RBFOX1: variants seen among roughly 807,000 people sequenced by gnomAD.
RBFOX1 encodes the protein RNA binding fox-1 homolog 1.
A neutral mutation model predicts 57.7 loss-of-function variants in RBFOX1; 8 were observed. The ratio of observed to expected loss-of-function variants is 0.14; its 90% confidence interval spans 0.08 to 0.25. The LOEUF (loss-of-function observed/expected upper bound fraction) is 0.25. Ranked by LOEUF, RBFOX1 falls within the 10% of genes least tolerant of loss-of-function variation. The probability of loss-of-function intolerance (pLI) is 1.00; values close to 1 mark genes in which losing one functional copy is unlikely to be tolerated. For synonymous variants in RBFOX1, 326 were observed against 222.4 expected, an observed-to-expected ratio of 1.47 and a Z score of -4.15; for missense variants, 611 against 548.5, an observed-to-expected ratio of 1.11 and a Z score of -1.14.
In RBFOX1 at chr16:6,325,674, T is replaced by C. The variant is rs988830159; in HGVS notation, c.-64+8617T>C. Among the ~76,000 whole-genome samples, 9 of 152,286 alleles carry C rather than the reference T, an allele frequency of 5.9e-5. No individual in the cohort carries two copies. The South Asian group carries it at 1.7e-3, about 28-fold the overall frequency. On this transcript the variant is annotated intron_variant, in intron 2 of 15. Coordinates refer to ENST00000550418, the MANE Select transcript of RBFOX1 (RefSeq NM_018723.4). ...AGTCACAAAGGATGAACCAAAATTTTGGTAAAATAGGCTGGTTAATACGAT... is the reference window on the plus strand; with the variant it reads ...AGTCACAAAGGATGAACCAAAATTTCGGTAAAATAGGCTGGTTAATACGAT...
At chr16:6,973,414 G>C (rs2086035873) in intron 3 of RBFOX1, among the ~76,000 whole-genome samples, 1 of 152,136 alleles carries the variant, frequency 6.6e-6, no homozygotes, top group Non-Finnish European at 1.5e-5. Flanking sequence ...AGTCAATCAG[G>C]AAGCATTCTT....
chr16:7,585,202 T>C (rs957955753), intron 6 of RBFOX1, among the ~76,000 whole-genome samples: 1 of 152,072 alleles, frequency 6.6e-6, no homozygotes, highest in Non-Finnish European at 1.5e-5. Flanking sequence ...GCTTGAGGAG[T>C]TCACAAAACT....
At position 7,154,685 on chromosome 16, in the gene RBFOX1, T is replaced by TTGTGTG. The variant is rs56742260; in HGVS notation, c.27+102630_27+102635dup. ...TGGGAAATGGCTAGACCCTCTTCCT[T>TTGTGTG]TGTGTGTGTGTGTGTGTGTGTGTGT... On this transcript the variant is annotated intron_variant, in intron 4 of 15. Transcript: ENST00000550418. Among the ~76,000 whole-genome samples the TTGTGTG allele has an allele frequency of 1.4e-3, 206 of 143,212 alleles. 2 individuals are homozygous for TTGTGTG. The highest frequency in any genetic ancestry group is 4.0e-3 in the African/African-American group (148 of 37,444). 94.0% of individuals were successfully genotyped at this position (143,212 alleles called of 152,430 possible). A position where few individuals can be genotyped will look rare whatever the true frequency, so the allele number is the denominator to read the frequency against.
chr16:5,870,373 C>CAAAAAA (rs59398844), intron 4 of RBFOX1, among the ~76,000 whole-genome samples: 6 of 91,144 alleles, frequency 6.6e-5, no homozygotes, highest in African/African-American at 2.8e-4. Flanking sequence ...ATTTGTATGG[C>CAAAAAA]AAAAAAAAAA....
chr16:7,107,410 T>TAG (rs1192062460), intron 4 of RBFOX1, among the ~76,000 whole-genome samples: 1 of 152,166 alleles, frequency 6.6e-6, no homozygotes, highest in African/African-American at 2.4e-5. Context: ...GACCTCACCT[T>TAG]AGGATTCCTC....
intron 4 of RBFOX1, among the ~76,000 whole-genome samples, chr16:7,099,841 C>G (rs1303677471): frequency 2.0e-5 from 3 of 152,146 alleles, no homozygotes; most frequent in East Asian, 1.9e-4. Context: ...TTATGGAGAC[C>G]TAGGTTTTAT....
chr16:6,964,386 T>C (rs1041619437), intron 3 of RBFOX1, among the ~76,000 whole-genome samples: 2 of 152,280 alleles, frequency 1.3e-5, no homozygotes, highest in East Asian at 1.9e-4. Flanking sequence ...TGTGTCGTTA[T>C]ATATTGGTCT....
intron 4 of RBFOX1, among the ~76,000 whole-genome samples, chr16:7,119,506 A>G (rs1191800772): frequency 2.0e-5 from 3 of 152,110 alleles, no homozygotes; most frequent in East Asian, 1.9e-4. Flanking sequence ...GTTAGATGGG[A>G]TATATTTAGG....
At position 7,596,169 on chromosome 16, in the gene RBFOX1, C is replaced by T. The variant is rs1454645787; in HGVS notation, c.561+528C>T. ...AAAACGAGAGGTTTTTACTAAACCT[C>T]TCGTTTTTTTTTTTTTAAGAAGCCA... On this transcript the variant is annotated intron_variant, in intron 8 of 15. Transcript: ENST00000550418. Among the ~76,000 whole-genome samples, 59 of 96,496 alleles carry T rather than the reference C, an allele frequency of 6.1e-4. 1 individual carries two copies. In the East Asian group the frequency reaches 0.014, roughly 24 times the overall value. The allele number at this position is 96,496 out of a possible 152,430, so 63.3% of individuals were successfully genotyped here.
chr16:6,452,913 T>A (rs1439984802), intron 2 of RBFOX1, among the ~76,000 whole-genome samples: 1 of 152,244 alleles, frequency 6.6e-6, no homozygotes, highest in Non-Finnish European at 1.5e-5. Flanking sequence ...GCTTTGCACC[T>A]AGAAGGTGCT....
chr16:6,352,026 C>CT (rs1227241710), intron 2 of RBFOX1, among the ~76,000 whole-genome samples: 1 of 152,090 alleles, frequency 6.6e-6, no homozygotes, highest in Non-Finnish European at 1.5e-5. Context: ...TTTTTCAGTG[C>CT]TTTTTTCTGT....
At chr16:6,808,677 A>G (rs930321192) in intron 3 of RBFOX1, among the ~76,000 whole-genome samples, 1 of 152,184 alleles carries the variant, frequency 6.6e-6, no homozygotes, top group Non-Finnish European at 1.5e-5. Context: ...GAAAAATGGT[A>G]TACAGTGAAG....
At chr16:7,412,573 TAATCA>T (rs2098440004) in intron 4 of RBFOX1, among the ~76,000 whole-genome samples, 1 of 152,230 alleles carries the variant, frequency 6.6e-6, no homozygotes, top group South Asian at 2.1e-4. Flanking sequence ...AAATATGGAC[TAATCA>T]AATACTTTCT....
At chr16:6,521,900 G>A (rs1180420297) in intron 2 of RBFOX1, among the ~76,000 whole-genome samples, 1 of 152,106 alleles carries the variant, frequency 6.6e-6, no homozygotes, top group Non-Finnish European at 1.5e-5. Flanking sequence ...CTGTGTTTGG[G>A]TCTTGTTGAA....
chr16:6,783,445 A>C (rs1424924614), intron 3 of RBFOX1, among the ~76,000 whole-genome samples: 1 of 149,928 alleles, frequency 6.7e-6, no homozygotes, highest in Non-Finnish European at 1.5e-5. Context: ...AGCTTGCAAA[A>C]AAAAAAAAAA....
chr16:5,899,144 C>CAAAAAAAAAAAAAAAAAAAAAAAA (rs35163906), intron 4 of RBFOX1, among the ~76,000 whole-genome samples: 1 of 100,080 alleles, frequency 1.0e-5, no homozygotes, highest in Non-Finnish European at 1.9e-5. Context: ...GACCCTGTCT[C>CAAAAAAAAAAAAAAAAAAAAAAAA]AAAAAAAAAA....
chr16:5,851,545 A>T (rs148590553), intron 3 of RBFOX1, among the ~76,000 whole-genome samples: 1 of 152,268 alleles, frequency 6.6e-6, no homozygotes, highest in African/African-American at 2.4e-5. Flanking sequence ...GTAATAAGAA[A>T]AGCAAACGGT....
intron 1 of RBFOX1, among the ~76,000 whole-genome samples, chr16:6,188,145 T>C (rs544602377): frequency 6.6e-6 from 1 of 152,304 alleles, no homozygotes; most frequent in East Asian, 1.9e-4. Flanking sequence ...ATGAAAACTG[T>C]ATCTTCTATG....
chr16:6,741,766 A>G (rs566163279), intron 3 of RBFOX1, among the ~76,000 whole-genome samples: 7 of 152,282 alleles, frequency 4.6e-5, no homozygotes, highest in African/African-American at 1.7e-4. Flanking sequence ...TGCAAATTTC[A>G]TATCTAATAA....
Sources: gnomAD v4.1 joint callset for allele counts (sites outside exome capture counted in the v4.1 genomes callset) on GRCh38, gnomAD v4.1.1 for gene constraint, MANE v1.5 for transcripts, NCBI Gene and HGNC (gene_info 2026-07-23, HGNC 2026-07-21) for gene names.